The following SETD1B variants were observed in gnomAD, a reference collection of about 807,000 sequenced individuals.
The protein encoded by SETD1B is SET domain containing 1B, histone lysine methyltransferase.
A neutral mutation model predicts 148.0 loss-of-function variants in SETD1B; 7 were observed. That is an observed-to-expected ratio of 0.05 (90% CI 0.03 to 0.09). The LOEUF (loss-of-function observed/expected upper bound fraction) is 0.09, where lower values mean the gene tolerates loss of function less well. Ranked by LOEUF, SETD1B falls within the 10% of genes least tolerant of loss-of-function variation. The pLI, the probability that SETD1B is intolerant of heterozygous loss-of-function variation, is 1.00. For synonymous variants in SETD1B, 1,361 were observed against 1,186.5 expected, an observed-to-expected ratio of 1.15 and a Z score of -3.02; for missense variants, 2,155 against 2,729.9, an observed-to-expected ratio of 0.79 and a Z score of 4.69.
intron 4 of SETD1B, among the ~76,000 whole-genome samples, chr12:121,807,457 A>AAAAAG (rs768801015): frequency 3.5e-5 from 5 of 144,482 alleles, no homozygotes; most frequent in African/African-American, 1.3e-4. Context: ...AAAAAAAAAA[A>AAAAAG]AAAAGAAAAG....
chr12:121,827,801 C>T lies in SETD1B; in HGVS notation c.5536C>T (p.Pro1846Ser). 6.4e-7 allele frequency: 1 copy of T among 1,558,628 alleles called. No individual in the cohort carries two copies. The highest frequency in any genetic ancestry group is 1.2e-5 in the South Asian group (1 of 84,618). The change falls in exon 15 of 17, where the codon CCC (proline) becomes TCC (serine). Residue 1846 changes from proline to serine, a missense_variant. Around this residue, in one of 11 missense-constraint regions of SETD1B, gnomAD observed 51 missense variants for 162.8 expected, o/e 0.31. Coordinates refer to ENST00000604567, the MANE Select transcript of SETD1B (RefSeq NM_001353345.2). The stretch of plus-strand genomic sequence containing the variant: ...CGACTGGGGCTTGTTCGCCATGGAG[C>T]CCATCGCGGCTGACGAGATGGTCAT... ...IHDWGLFAME[P>S]IAADEMVIEY...
the SETD1B span, chr12:121,795,947 A>C: frequency 1.3e-5 from 2 of 152,448 alleles, no homozygotes; most frequent in South Asian, 2.1e-4. Context: ...TCCAGGCAGA[A>C]CAGCTGATAC....
At chr12:121,791,791 A>C in the SETD1B span, among the ~76,000 whole-genome samples, 1 of 152,026 alleles carries the variant, frequency 6.6e-6, no homozygotes, top group South Asian at 2.1e-4. Context: ...GGAAAGAAAA[A>C]ACCTCCTGAC....
At position 121,809,584 on chromosome 12, in the gene SETD1B, C is replaced by T. The variant is rs190762245; in HGVS notation, c.658-19C>T. ...TGCATGTTTTCCCCCAGTGGTCTGA[C>T]ATCTCTGTCTCTCCTTAGCTGTCAG... On this transcript the variant is annotated intron_variant, in intron 5 of 16. Transcript: ENST00000604567. The T allele has an allele frequency of 2.9e-4, 441 of 1,525,084 alleles. 8 individuals carry two copies. In the South Asian group the frequency reaches 5.0e-3, roughly 17 times the overall value. The allele number at this position is 1,525,084 out of a possible 1,614,324, so 94.5% of individuals were successfully genotyped here.
chr12:121,825,685 C>G (rs1876807966), intron 13 of SETD1B, among the ~76,000 whole-genome samples: 1 of 151,998 alleles, frequency 6.6e-6, no homozygotes, highest in African/African-American at 2.4e-5. Context: ...TGCTCTGTCA[C>G]ATAGGCTGAA....
chr12:121,810,578 C>A lies in SETD1B; in HGVS notation c.1633C>A (p.Pro545Thr). The A allele has an allele frequency of 1.3e-6, 2 of 1,548,336 alleles. No individual in the cohort carries two copies. Among genetic ancestry groups the A allele is most frequent in the African/African-American group, 1.4e-5 (1 of 73,182 alleles). Residue 545 changes from proline (P) to threonine (T), a missense_variant, in exon 6 of 17, where the codon CCC becomes ACC. By Grantham distance (38) the Pro-to-Thr change is conservative (BLOSUM62 -1). Coordinates refer to ENST00000604567, the MANE Select transcript of SETD1B (RefSeq NM_001353345.2). The surrounding 1 kb of genome is among the most constrained non-coding windows in gnomAD (Gnocchi z 7.6). ...CTCCTCCCAGCTCTCCCCACTGGCC[C>A]CCTTTGGCACCAACTCCCAGCCAGG... ...SSSSQLSPLA[P>T]FGTNSQPGFR...
In SETD1B at chr12:121,810,329, A is replaced by G. The variant is rs1157597911; in HGVS notation, c.1384A>G (p.Met462Val). The G allele has an allele frequency of 3.9e-6, 6 of 1,545,072 alleles. No individual in the cohort carries two copies. The highest frequency in any genetic ancestry group is 1.7e-6 in the Non-Finnish European group (2 of 1,146,600). Residue 462 changes from methionine (M) to valine (V), a missense_variant, in exon 6 of 17, where the codon ATG becomes GTG. Met to Val is a conservative substitution (Grantham distance 21). Around this residue, in one of 11 missense-constraint regions of SETD1B, gnomAD observed 376 missense variants for 385.0 expected, o/e 0.98. Coordinates refer to ENST00000604567, the MANE Select transcript of SETD1B (RefSeq NM_001353345.2). The surrounding 1 kb of genome is among the most constrained non-coding windows in gnomAD (Gnocchi z 7.6). ...PGPPPPDTNS[M>V]ELGGRPTFGW... ...CCCGCCGCCCCCCGACACCAACAGC[A>G]TGGAGCTGGGCGGCCGGCCCACCTT...
At chr12:121,793,126 G>GC in the SETD1B span, 12 of 1,542,602 alleles carry the variant, frequency 7.8e-6, no homozygotes, top group Non-Finnish European at 9.6e-6. Context: ...GGACCCTCGG[G>GC]CCCCCCGGCG....
chr12:121,796,489 T>C, the SETD1B span, among the ~76,000 whole-genome samples: 2 of 152,200 alleles, frequency 1.3e-5, no homozygotes, highest in African/African-American at 4.8e-5. Flanking sequence ...GAGGCAACGC[T>C]GTGGCACCCA....
rs1875852648 is a variant in SETD1B at position 121,808,431 on chromosome 12, T to A, written c.657+111T>A. The stretch of plus-strand genomic sequence containing the variant: ...GACCCCCAGCCTACCCCCACCTCAC[T>A]CCAGCTTTGGAGACCAAGGCCTAGG... On this transcript the variant is annotated intron_variant, in intron 5 of 16. Coordinates refer to ENST00000604567, the MANE Select transcript of SETD1B (RefSeq NM_001353345.2). The surrounding 1 kb of genome is among the most constrained non-coding windows in gnomAD (Gnocchi z 5.3). The A allele has an allele frequency of 1.3e-5, 9 of 669,820 alleles. 1 individual carries two copies. The South Asian group carries it at 1.6e-4, about 12-fold the overall frequency. The allele number at this position is 669,820 out of a possible 1,614,324, so 41.5% of individuals were successfully genotyped here.
Position 121,823,066 on chromosome 12 carries a change from C to A in SETD1B, c.4487C>A (p.Ala1496Glu). 1.3e-6 allele frequency: 2 copies of A among 1,509,914 alleles called. No individual in the cohort carries two copies. Among genetic ancestry groups the A allele is most frequent in the South Asian group, 1.2e-5 (1 of 80,714 alleles). 93.5% of individuals were successfully genotyped at this position (1,509,914 alleles called of 1,614,324 possible). A position where few individuals can be genotyped will look rare whatever the true frequency, so the allele number is the denominator to read the frequency against. Residue 1496 changes from alanine (A) to glutamate (E), a missense_variant, in exon 12 of 17, where the codon GCG becomes GAG. Ala to Glu is a moderately radical substitution (Grantham distance 107). Transcript: ENST00000604567. ...GCCGTCTTGCGGGCCCAGGCTCGTG[C>A]GCCCACCCCGCTGCCACCCCTGCTG... is the stretch of plus-strand genomic sequence containing the variant. The part of the protein sequence containing the change: ...LPAVLRAQAR[A>E]PTPLPPLLPA...
chr12:121,804,119 C>T lies in SETD1B; in HGVS notation c.-129C>T, dbSNP rs1049774344. On this transcript the variant is annotated 5_prime_UTR_variant, in exon 1 of 17. Transcript: ENST00000604567. The surrounding 1 kb of genome is among the most constrained non-coding windows in gnomAD (Gnocchi z 4.6). ...CGGCAGCAGCTCCGGGCCCGGCAGC[C>T]GCGGCGGCGGCGCCCCCCCTTCCTG... 5 of 151,626 alleles carry T rather than the reference C, an allele frequency of 3.3e-5. No homozygotes were observed. Among genetic ancestry groups the T allele is most frequent in the Admixed American group, 1.3e-4 (2 of 15,066 alleles). The allele number at this position is 151,626 out of a possible 1,614,324, so 9.4% of individuals were successfully genotyped here.
chr12:121,804,981 G>T lies in SETD1B; in HGVS notation c.174+70G>T. On this transcript the variant is annotated intron_variant, in intron 2 of 16. Coordinates refer to ENST00000604567, the MANE Select transcript of SETD1B (RefSeq NM_001353345.2). The surrounding 1 kb of genome is among the most constrained non-coding windows in gnomAD (Gnocchi z 4.6). Reference sequence around the variant, plus strand: ...CGGGGAGACGCGCCTAGCGGCCAGGGACCCCCCGCCCGATCCCCCGGCCAA... The same window carrying T: ...CGGGGAGACGCGCCTAGCGGCCAGGTACCCCCCGCCCGATCCCCCGGCCAA... 6.8e-7 allele frequency: 1 copy of T among 1,467,364 alleles called. No homozygotes were observed. Among genetic ancestry groups the T allele is most frequent in the Non-Finnish European group, 9.1e-7 (1 of 1,098,496 alleles). 90.9% of individuals were successfully genotyped at this position (1,467,364 alleles called of 1,614,324 possible). A position where few individuals can be genotyped will look rare whatever the true frequency, so the allele number is the denominator to read the frequency against.
In SETD1B at chr12:121,810,930, C is replaced by G; in HGVS notation, c.1890+95C>G. Reference sequence around the variant, plus strand: ...GCATTTAGCATGACTAGCTAAGATGCGGAAGCAATGGGGCTAGGAAAGCCA... The same window carrying G: ...GCATTTAGCATGACTAGCTAAGATGGGGAAGCAATGGGGCTAGGAAAGCCA... On this transcript the variant is annotated intron_variant, in intron 6 of 16. Transcript: ENST00000604567. This position sits in a 1 kb window ranked among gnomAD's most constrained non-coding sequence, Gnocchi z 7.6. The G allele has an allele frequency of 7.2e-7, 1 of 1,387,292 alleles. No individual in the cohort carries two copies. The highest frequency in any genetic ancestry group is 9.5e-7 in the Non-Finnish European group (1 of 1,048,040). The allele number at this position is 1,387,292 out of a possible 1,614,324, so 85.9% of individuals were successfully genotyped here.
At chr12:121,790,710 CCT>C in the SETD1B span, among the ~76,000 whole-genome samples, 1 of 152,132 alleles carries the variant, frequency 6.6e-6, no homozygotes, top group Non-Finnish European at 1.5e-5. Context: ...AGCCACCTCC[CCT>C]GAGCCCTGCT....
Position 121,809,861 on chromosome 12 carries a change from G to C in SETD1B, c.916G>C (p.Val306Leu). 6.4e-7 allele frequency: 1 copy of C among 1,551,434 alleles called. No homozygotes were observed. The highest frequency in any genetic ancestry group is 8.7e-7 in the Non-Finnish European group (1 of 1,146,990). Residue 306 changes from valine (V) to leucine (L), a missense_variant, in exon 6 of 17, where the codon GTG becomes CTG. By Grantham distance (32) the Val-to-Leu change is conservative. This residue lies in a region of SETD1B where 376 missense variants were observed against 385.0 expected (regional missense o/e 0.98). Coordinates refer to ENST00000604567, the MANE Select transcript of SETD1B (RefSeq NM_001353345.2). ...ATACCTCTTCAGCCAGGACCCTGCA[G>C]TGACCTTCAAGGCCCGGCGCCACGA... The part of the protein sequence containing the change: ...PSYLFSQDPA[V>L]TFKARRHESK...
rs552559087 is a variant in SETD1B at position 121,828,165 on chromosome 12, G to C, written c.5727+95G>C. ...CCTGGAAGCCCCGGCACGGGAATCA[G>C]CTCGGCCTCCTTCCCAAGCTCAGGT... On this transcript the variant is annotated intron_variant, in intron 16 of 16. Coordinates refer to ENST00000604567, the MANE Select transcript of SETD1B (RefSeq NM_001353345.2). 3 of 1,476,264 alleles carry C rather than the reference G, an allele frequency of 2.0e-6. No homozygotes were observed. In the South Asian group the frequency reaches 3.9e-5, roughly 19 times the overall value. The allele number at this position is 1,476,264 out of a possible 1,614,324, so 91.4% of individuals were successfully genotyped here.
chr12:121,797,406 G>A, the SETD1B span: 82 of 453,170 alleles, frequency 1.8e-4, no homozygotes, highest in East Asian at 5.3e-3. Context: ...GCGCCCTCGA[G>A]GGACCAGCAG....
At chr12:121,824,979 CAAAA>C (rs780514725) in intron 12 of SETD1B, among the ~76,000 whole-genome samples, 38 of 57,176 alleles carry the variant, frequency 6.6e-4, no homozygotes, top group South Asian at 2.3e-3. Context: ...GACCCTGTCT[CAAAA>C]AAAAAAAAAA....
Sources: gnomAD v4.1 joint callset for allele counts (sites outside exome capture counted in the v4.1 genomes callset) on GRCh38, gnomAD v4.1.1 for gene constraint, gnomAD v4.1.1 regional missense constraint, Gnocchi (gnomAD v3.1) non-coding constraint, MANE v1.5 for transcripts, NCBI Gene and HGNC (gene_info 2026-07-23, HGNC 2026-07-21) for gene names.